Variants in TBC1D19 observed in about 807,000 individuals in gnomAD.
TBC1D19 encodes TBC1 domain family member 19, also known as TBC1 domain family, member 19.
TBC1D19 carries 60 observed loss-of-function variants against 89.0 expected under a neutral mutation model. The observed-to-expected ratio is 0.67, with a 90% confidence interval of 0.55 to 0.84. The LOEUF is 0.84. Among genes scored for constraint, TBC1D19 ranks in the 40% least tolerant of loss-of-function variants. The pLI is 0.00. For synonymous variants in TBC1D19, 189 were observed against 199.7 expected, an observed-to-expected ratio of 0.95 and a Z score of 0.45; for missense variants, 500 against 610.8, an observed-to-expected ratio of 0.82 and a Z score of 1.91.
intron 13 of TBC1D19, among the ~76,000 whole-genome samples, chr4:26,697,566 G>A (rs948254211): frequency 5.3e-5 from 8 of 152,058 alleles, no homozygotes; most frequent in Non-Finnish European, 1.0e-4. Context: ...CAAAAAAAGA[G>A]AATTTTGGAC....
At chr4:26,672,383 T>C (rs576799719) in intron 10 of TBC1D19, among the ~76,000 whole-genome samples, 196 bp downstream of exon 10, 1 of 152,028 alleles carries the variant, frequency 6.6e-6, no homozygotes, top group African/African-American at 2.4e-5. Context: ...GCTTTGTCAA[T>C]AAATGTCAGA....
chr4:26,644,494 TCC>T (rs1743777795), intron 7 of TBC1D19, among the ~76,000 whole-genome samples: 1 of 152,184 alleles, frequency 6.6e-6, no homozygotes, highest in South Asian at 2.1e-4. Context: ...CTGGAAGCAT[TCC>T]CTTTGAAAAC....
chr4:26,659,988 C>G lies in TBC1D19; in HGVS notation c.591+281C>G, dbSNP rs260944. On this transcript the variant is annotated intron_variant, in intron 8 of 20. Transcript: ENST00000264866. ...CAGCTTGTTGGGATTGAGTTGTCTG[C>G]TGGATGGTTATAAAACTGATTGAGA... Among the ~76,000 whole-genome samples the G allele has an allele frequency of 0.85, 129,094 of 152,138 alleles. 58,626 individuals are homozygous for G. Among genetic ancestry groups the G allele is most frequent in the Non-Finnish European group, 1 (67,856 of 68,022 alleles).
chr4:26,753,930 C>T (rs1279850462), intron 20 of TBC1D19, 40 bp downstream of exon 20: 1 of 1,608,592 alleles, frequency 6.2e-7, no homozygotes, highest in African/African-American at 1.3e-5. Context: ...GAAATAGTTT[C>T]TGAGAGATTG....
the TBC1D19 span, among the ~76,000 whole-genome samples, chr4:26,802,379 T>C: frequency 1.3e-5 from 2 of 152,314 alleles, no homozygotes; most frequent in East Asian, 3.9e-4. Flanking sequence ...GGCGGGCAGA[T>C]AACTTGAAGT....
chr4:26,834,889 C>T, the TBC1D19 span, among the ~76,000 whole-genome samples: 1 of 152,184 alleles, frequency 6.6e-6, no homozygotes, highest in Non-Finnish European at 1.5e-5. Context: ...TCAGACCCAG[C>T]TATCATGCTT....
At chr4:26,794,789 C>T in the TBC1D19 span, among the ~76,000 whole-genome samples, 1 of 152,112 alleles carries the variant, frequency 6.6e-6, no homozygotes, top group Non-Finnish European at 1.5e-5. Flanking sequence ...AAGAAAAAAA[C>T]AGCAGATTAA....
intron 1 of TBC1D19, among the ~76,000 whole-genome samples, chr4:26,587,532 G>A (rs529692480): frequency 1.3e-4 from 19 of 148,152 alleles, no homozygotes; most frequent in African/African-American, 3.7e-4. Context: ...AGCAGAGATC[G>A]CACCACTGCA....
In TBC1D19 at chr4:26,737,412, G is replaced by T. The variant is rs576918541; in HGVS notation, c.1117+1925G>T. ...TCTTTCTACTTTAATAGTTCCAACT[G>T]CAAAAATTTTTCAAGTAAATCGTTT... On this transcript the variant is annotated intron_variant, in intron 16 of 20. Transcript: ENST00000264866. Among the ~76,000 whole-genome samples the T allele has an allele frequency of 2.0e-5, 3 of 152,156 alleles. 1 individual carries two copies. The South Asian group carries it at 6.2e-4, about 32-fold the overall frequency.
At chr4:26,697,228 C>A (rs867929144) in intron 13 of TBC1D19, among the ~76,000 whole-genome samples, 1 of 152,146 alleles carries the variant, frequency 6.6e-6, no homozygotes, top group Non-Finnish European at 1.5e-5. Context: ...ACTATAAACA[C>A]CTCTATGCAA....
At chr4:26,746,094 A>G (rs568954612) in intron 18 of TBC1D19, among the ~76,000 whole-genome samples, 1 of 152,194 alleles carries the variant, frequency 6.6e-6, no homozygotes, top group South Asian at 2.1e-4. Flanking sequence ...TACTTTAAAT[A>G]TTTTTTTCTG....
chr4:26,707,399 C>A (rs537448062), intron 13 of TBC1D19, among the ~76,000 whole-genome samples: 1 of 151,978 alleles, frequency 6.6e-6, no homozygotes, highest in African/African-American at 2.4e-5. Context: ...TTTTTCTGTC[C>A]TTTAACTTTT....
chr4:26,783,331 C>T, the TBC1D19 span, among the ~76,000 whole-genome samples: 1 of 152,258 alleles, frequency 6.6e-6, no homozygotes, highest in East Asian at 1.9e-4. Flanking sequence ...TAAAGTATCT[C>T]ATAGTTTCCA....
At chr4:26,698,154 T>C (rs923856912) in intron 13 of TBC1D19, among the ~76,000 whole-genome samples, 1 of 152,188 alleles carries the variant, frequency 6.6e-6, no homozygotes, top group Non-Finnish European at 1.5e-5. Flanking sequence ...GATAAGCAAC[T>C]TCAGCAAAGT....
the TBC1D19 span, among the ~76,000 whole-genome samples, chr4:26,820,191 C>T: frequency 6.6e-6 from 1 of 152,186 alleles, no homozygotes; most frequent in Non-Finnish European, 1.5e-5. Flanking sequence ...AAAATCTATG[C>T]TTTTAGCAAT....
chr4:26,586,306 GCTCT>G (rs755967838), intron 1 of TBC1D19, among the ~76,000 whole-genome samples: 10 of 151,232 alleles, frequency 6.6e-5, no homozygotes, highest in African/African-American at 1.9e-4. Context: ...AAAATTTCTG[GCTCT>G]CTATTTTGTT....
chr4:26,796,332 G>T, the TBC1D19 span, among the ~76,000 whole-genome samples: 1 of 152,126 alleles, frequency 6.6e-6, no homozygotes, highest in Admixed American at 6.5e-5. Flanking sequence ...CCCAAAACTC[G>T]TCAACACAGT....
At chr4:26,813,500 T>C in the TBC1D19 span, among the ~76,000 whole-genome samples, 1 of 152,178 alleles carries the variant, frequency 6.6e-6, no homozygotes, top group Non-Finnish European at 1.5e-5. Flanking sequence ...ATGCGTTTTT[T>C]TATAAAGTGC....
intron 1 of TBC1D19, among the ~76,000 whole-genome samples, chr4:26,588,295 G>A (rs779225672): frequency 6.6e-6 from 1 of 152,046 alleles, no homozygotes; most frequent in Non-Finnish European, 1.5e-5. Context: ...AAAGGGCTGG[G>A]ATTAAAGGCA....
Sources: gnomAD v4.1 joint callset for allele counts (sites outside exome capture counted in the v4.1 genomes callset) on GRCh38, gnomAD v4.1.1 for gene constraint, MANE v1.5 for transcripts, NCBI Gene and HGNC (gene_info 2026-07-23, HGNC 2026-07-21) for gene names.